The following TOMM34 variants were observed in gnomAD, a reference collection of about 807,000 sequenced individuals.
TOMM34 encodes translocase of outer mitochondrial membrane 34, also known as mitochondrial import receptor subunit TOM34.
Under a neutral mutation model 37.4 loss-of-function variants are expected in TOMM34, and 24 were observed. The ratio of observed to expected loss-of-function variants is 0.64; its 90% CI spans 0.46 to 0.90. The LOEUF is 0.90. Ranked by LOEUF, TOMM34 falls within the 40% of genes least tolerant of loss-of-function variation. TOMM34 has a pLI of 0.00. For missense variants in TOMM34, 304 were observed against 375.6 expected, an observed-to-expected ratio of 0.81 and a Z score of 1.58; for synonymous variants, 154 against 148.9, an observed-to-expected ratio of 1.03 and a Z score of -0.25.
At chr20:44,958,013 TCA>T (rs1332253187) in intron 1 of TOMM34, among the ~76,000 whole-genome samples, 2 of 152,020 alleles carry the variant, frequency 1.3e-5, no homozygotes, top group Non-Finnish European at 2.9e-5. Context: ...CTCCCCAGAC[TCA>T]CAGAGGCCAG....
chr20:44,951,826 A>C lies in TOMM34; in HGVS notation c.550+7T>G. On this transcript the variant is annotated splice_region_variant and intron_variant, in intron 4 of 6. Coordinates refer to ENST00000372813, the MANE Select transcript of TOMM34 (RefSeq NM_006809.5). The stretch of plus-strand genomic sequence containing the variant: ...TGCAAGACTCTGGGCAGGGAGTCAC[A>C]GCTCACCTCTGTTCTTTGTAGCTGT... 6.2e-7 allele frequency: 1 copy of C among 1,611,468 alleles called. No individual in the cohort carries two copies. Among genetic ancestry groups the C allele is most frequent in the Non-Finnish European group, 8.5e-7 (1 of 1,178,502 alleles).
intron 5 of TOMM34, among the ~76,000 whole-genome samples, chr20:44,948,116 A>T (rs989583906): frequency 1.4e-4 from 22 of 152,228 alleles, no homozygotes; most frequent in African/African-American, 5.3e-4. Context: ...ACACTAAAAC[A>T]GAAAGACCAC....
chr20:44,952,855 C>T (rs764880776), intron 3 of TOMM34, among the ~76,000 whole-genome samples: 1 of 152,190 alleles, frequency 6.6e-6, no homozygotes, highest in African/African-American at 2.4e-5. Flanking sequence ...TCCAAGATGT[C>T]TCTGGCTAGG....
rs757794229 is a variant in TOMM34, at chr20:44,951,975, A to C, written c.408T>G (p.Leu136=). 1 of 1,613,326 alleles carries C rather than the reference A, an allele frequency of 6.2e-7. No homozygotes were observed. Among genetic ancestry groups the C allele is most frequent in the Non-Finnish European group, 8.5e-7 (1 of 1,179,676 alleles). Residue 136 remains leucine, a synonymous_variant, in exon 4 of 7, where the codon CTT becomes CTG. Transcript: ENST00000372813. The part of the protein sequence containing the change: ...NRMTRALMDS[L]GPEWRLKLPS... ...GCAGCTTCAGGCGCCACTCAGGCCC[A>C]AGCGAGTCCATGAGAGCTCTGGTCA...
intron 3 of TOMM34, among the ~76,000 whole-genome samples, chr20:44,954,411 G>C (rs927320145): frequency 6.6e-6 from 1 of 152,202 alleles, no homozygotes; most frequent in Non-Finnish European, 1.5e-5. Flanking sequence ...AGAAAACAAA[G>C]AATGCTGGCA....
At chr20:44,957,463 C>T (rs1263149517) in intron 1 of TOMM34, among the ~76,000 whole-genome samples, 1 of 152,118 alleles carries the variant, frequency 6.6e-6, no homozygotes, top group Non-Finnish European at 1.5e-5. Context: ...CGTGAGCCAC[C>T]GTGCCCAACC....
intron 3 of TOMM34, 116 bp downstream of exon 3, chr20:44,954,952 G>GT: frequency 2.2e-6 from 3 of 1,355,222 alleles, no homozygotes; most frequent in Non-Finnish European, 2.0e-6. Context: ...CCCATCGGGA[G>GT]TTTTTTAAGT....
chr20:44,956,298 G>A, intron 2 of TOMM34, 88 bp downstream of exon 2: 1 of 1,271,124 alleles, frequency 7.9e-7, no homozygotes, highest in South Asian at 1.3e-5. Context: ...TAATTGATGG[G>A]ATCCTTCCAA....
Position 44,955,182 on chromosome 20 carries a change from A to G in TOMM34, c.266T>C (p.Leu89Pro), listed in dbSNP as rs780653147. 1 of 1,614,262 alleles carries G rather than the reference A, an allele frequency of 6.2e-7. No individual in the cohort carries two copies. The highest frequency in any genetic ancestry group is 1.1e-5 in the South Asian group (1 of 91,092). The change falls in exon 3 of 7, where the codon CTG becomes CCG. Residue 89 changes from leucine (L) to proline (P), a missense_variant. Leu to Pro is a moderately conservative substitution (Grantham distance 98, BLOSUM62 -3). Transcript: ENST00000372813. ...AGCCTCATAAGCAGATGCTCGCCGC[A>G]GCAGGGGCTTAATGCTGAAGGGAAC... ...ALVPFSIKPL[L>P]RRASAYEALE...
Position 44,960,232 on chromosome 20 carries a change from G to T in TOMM34, c.102C>A (p.Arg34=). ...QYAEASALYG[R]ALRVLQAQGS... ...CTTGCGCCTGCAGCACCCGCAGCGC[G>T]CGGCCGTAGAGCGCGGAGGCCTCGG... is the stretch of plus-strand genomic sequence containing the variant. Residue 34 remains arginine (R), a synonymous_variant, in exon 1 of 7, where the codon CGC becomes CGA. Transcript: ENST00000372813. 1.3e-6 allele frequency: 2 copies of T among 1,562,656 alleles called. No individual in the cohort carries two copies. The highest frequency in any genetic ancestry group is 1.7e-6 in the Non-Finnish European group (2 of 1,154,556).
chr20:44,945,724 C>CGCA (rs1296709674), intron 5 of TOMM34, among the ~76,000 whole-genome samples: 1 of 152,216 alleles, frequency 6.6e-6, no homozygotes, highest in Non-Finnish European at 1.5e-5. Context: ...TCTTGCTGAC[C>CGCA]CTGCATGAGA....
chr20:44,954,073 C>T lies in TOMM34; in HGVS notation c.380+995G>A, dbSNP rs6031889. Among the ~76,000 whole-genome samples, 618 of 152,306 alleles carry T rather than the reference C, an allele frequency of 4.1e-3. 6 individuals carry two copies. Among genetic ancestry groups the T allele is most frequent in the African/African-American group, 0.014 (600 of 41,566 alleles). Reference sequence around the variant, plus strand: ...TGTCACACTTGCTCACCTTTGCACACGCTGCTCTGTCTTCTGGCTAACCCC... The same window carrying T: ...TGTCACACTTGCTCACCTTTGCACATGCTGCTCTGTCTTCTGGCTAACCCC... On this transcript the variant is annotated intron_variant, in intron 3 of 6. Transcript: ENST00000372813.
chr20:44,955,202 G>A lies in TOMM34; in HGVS notation c.246C>T (p.Pro82=). The change falls in exon 3 of 7, where the codon CCC becomes CCT. Residue 82 remains proline, a synonymous_variant. Coordinates refer to ENST00000372813, the MANE Select transcript of TOMM34 (RefSeq NM_006809.5). ...KDCTSALALV[P]FSIKPLLRRA... ...GCCGCAGCAGGGGCTTAATGCTGAAGGGAACCAAGGCCAGTGCTCTAGAAT... is the reference window on the plus strand; with the variant it reads ...GCCGCAGCAGGGGCTTAATGCTGAAAGGAACCAAGGCCAGTGCTCTAGAAT... 6.2e-7 allele frequency: 1 copy of A among 1,614,144 alleles called. No homozygotes were observed. The highest frequency in any genetic ancestry group is 8.5e-7 in the Non-Finnish European group (1 of 1,180,020).
intron 4 of TOMM34, among the ~76,000 whole-genome samples, chr20:44,949,882 C>T (rs149420966): frequency 2.0e-5 from 3 of 152,298 alleles, no homozygotes; most frequent in African/African-American, 7.2e-5. Context: ...GAACTTCATA[C>T]AGAAGAATAA....
chr20:44,945,952 G>A (rs2066977335), intron 5 of TOMM34, among the ~76,000 whole-genome samples: 2 of 152,100 alleles, frequency 1.3e-5, no homozygotes, highest in South Asian at 4.1e-4. Context: ...CCGCCTCCTG[G>A]GTTCAAGCGA....
intron 4 of TOMM34, among the ~76,000 whole-genome samples, chr20:44,949,345 ATAC>A (rs1411345038): frequency 1.3e-5 from 2 of 152,226 alleles, no homozygotes; most frequent in Non-Finnish European, 2.9e-5. Context: ...AAGTAAATAA[ATAC>A]TAATAAACAA....
chr20:44,948,566 AGAAT>A (rs774370990), intron 5 of TOMM34, among the ~76,000 whole-genome samples, 160 bp downstream of exon 5: 111 of 152,202 alleles, frequency 7.3e-4, no homozygotes, highest in Admixed American at 3.9e-4. Context: ...CCCTTTTGAG[AGAAT>A]GAATGCCACT....
chr20:44,953,944 C>T (rs557598059), intron 3 of TOMM34, among the ~76,000 whole-genome samples: 1 of 152,302 alleles, frequency 6.6e-6, no homozygotes, highest in African/African-American at 2.4e-5. Context: ...TAAGTCCAAG[C>T]CCTGAACCCT....
At chr20:44,960,150 G>C in intron 1 of TOMM34, 57 bp downstream of exon 1, 1 of 1,513,666 alleles carries the variant, frequency 6.6e-7, no homozygotes, top group South Asian at 1.3e-5. Flanking sequence ...GGCCCGGGCG[G>C]TGGTTGCGGG....
Sources: allele counts gnomAD v4.1 joint callset (sites outside exome capture counted in the v4.1 genomes callset), GRCh38; gene constraint gnomAD v4.1.1; transcripts MANE v1.5; gene names NCBI Gene and HGNC (gene_info 2026-07-23, HGNC 2026-07-21).